Variants in AFF2 observed in about 807,000 individuals in gnomAD.
AFF2 encodes the protein ALF transcription elongation factor 2.
A neutral mutation model predicts 76.9 loss-of-function variants in AFF2; 14 were observed. That is an observed-to-expected ratio of 0.18 (90% CI 0.12 to 0.28). The LOEUF is 0.28. AFF2 is among the 10% of genes least tolerant of loss of function. The pLI, the probability that AFF2 is intolerant of heterozygous loss-of-function variation, is 1.00. For synonymous variants in AFF2, 398 were observed against 366.7 expected (o/e 1.09, Z -0.98); for missense variants, 868 against 1,001.1 (o/e 0.87, Z 1.79).
chrX:148,686,359 T>C (rs2054602118), intron 3 of AFF2, among the ~76,000 whole-genome samples: 1 of 111,741 alleles, frequency 8.9e-6, no homozygotes, highest in Admixed American at 9.5e-5. Context: ...CTCACATAAA[T>C]GTATGCAGCA....
chrX:148,840,461 G>C (rs2070585143), intron 5 of AFF2, among the ~76,000 whole-genome samples: 1 of 111,901 alleles, frequency 8.9e-6, no homozygotes, highest in Non-Finnish European at 1.9e-5. Context: ...AACATCTACT[G>C]TCTGGCCCTT....
intron 1 of AFF2, among the ~76,000 whole-genome samples, chrX:148,650,556 G>A (rs1166147853): frequency 1.8e-5 from 2 of 112,172 alleles, no homozygotes; most frequent in African/African-American, 6.5e-5. Flanking sequence ...AAAGTGTAAT[G>A]TGCATTTAAA....
intron 19 of AFF2, among the ~76,000 whole-genome samples, chrX:148,985,173 C>T (rs1182627331): frequency 9.4e-5 from 10 of 106,723 alleles, no homozygotes; most frequent in South Asian, 4.3e-4. Context: ...TTAGTAGAGA[C>T]GGGGTTTCAC....
At chrX:148,789,152 A>G (rs1345356232) in intron 3 of AFF2, among the ~76,000 whole-genome samples, 1 of 112,368 alleles carries the variant, frequency 8.9e-6, no homozygotes, top group Non-Finnish European at 1.9e-5. Context: ...TCCAAAGAAC[A>G]TGTTTCCTCC....
intron 1 of AFF2, among the ~76,000 whole-genome samples, chrX:148,647,872 G>T (rs1175875316): frequency 3.6e-5 from 4 of 111,282 alleles, no homozygotes; most frequent in African/African-American, 1.3e-4. Context: ...TGTTGTAAAA[G>T]ACTAGCCTGC....
chrX:148,763,507 T>A (rs2069476992), intron 3 of AFF2, among the ~76,000 whole-genome samples: 1 of 110,371 alleles, frequency 9.1e-6, no homozygotes, highest in Non-Finnish European at 1.9e-5. Context: ...TGATATGGCA[T>A]GGTGACTCTA....
intron 1 of AFF2, among the ~76,000 whole-genome samples, chrX:148,623,600 A>AATATATATATATATATAT (rs782158598): frequency 6.5e-4 from 66 of 101,469 alleles, no homozygotes; most frequent in South Asian, 2.2e-3. Flanking sequence ...CAAACATTTG[A>AATATATATATATATATAT]ATATATATAT....
intron 3 of AFF2, among the ~76,000 whole-genome samples, chrX:148,663,004 T>C (rs1557258048): frequency 8.9e-6 from 1 of 112,168 alleles, no homozygotes; most frequent in African/African-American, 3.2e-5. Flanking sequence ...TCGGTCTGAC[T>C]GAAAGAATGA....
At chrX:148,696,344 A>G (rs2054722010) in intron 3 of AFF2, among the ~76,000 whole-genome samples, 1 of 110,581 alleles carries the variant, frequency 9.0e-6, no homozygotes, top group African/African-American at 3.3e-5. Flanking sequence ...GATATACCTA[A>G]CGTAAATGAG....
At chrX:148,689,441 T>C (rs2054629624) in intron 3 of AFF2, among the ~76,000 whole-genome samples, 1 of 110,705 alleles carries the variant, frequency 9.0e-6, no homozygotes, top group Non-Finnish European at 1.9e-5. Flanking sequence ...GAGATATGAA[T>C]AGAAATGTTT....
chrX:148,904,931 T>C (rs1557281280), intron 9 of AFF2, among the ~76,000 whole-genome samples: 1 of 112,131 alleles, frequency 8.9e-6, no homozygotes, highest in Non-Finnish European at 1.9e-5. Context: ...AACATCTGAT[T>C]GCAGTGTTAC....
intron 6 of AFF2, 121 bp downstream of exon 6, chrX:148,843,123 T>G: frequency 1.7e-6 from 1 of 574,183 alleles, no homozygotes; most frequent in Non-Finnish European, 2.7e-6. Flanking sequence ...AAAAGTTATT[T>G]TAATTGTTAA....
chrX:148,750,765 A>C (rs2055488249), intron 3 of AFF2, among the ~76,000 whole-genome samples: 1 of 112,269 alleles, frequency 8.9e-6, no homozygotes. Flanking sequence ...GATTAAAAAA[A>C]TGAGATGGTG....
intron 1 of AFF2, among the ~76,000 whole-genome samples, chrX:148,560,397 G>A (rs1430695343): frequency 1.8e-5 from 2 of 111,978 alleles, no homozygotes; most frequent in Admixed American, 1.9e-4. Context: ...ATGGATTAAA[G>A]ACTTAAACGT....
chrX:148,958,490 G>A, intron 12 of AFF2, 32 bp downstream of exon 12: 5 of 1,191,997 alleles, frequency 4.2e-6, no homozygotes, highest in Non-Finnish European at 5.7e-6. Flanking sequence ...CTGATGGCTT[G>A]GTATGATTGT....
intron 8 of AFF2, among the ~76,000 whole-genome samples, chrX:148,901,062 T>C (rs782748261): frequency 3.6e-5 from 4 of 112,261 alleles, no homozygotes; most frequent in Admixed American, 2.8e-4. Context: ...GTTGTCAATG[T>C]TGGCTACTCA....
intron 15 of AFF2, among the ~76,000 whole-genome samples, chrX:148,971,078 A>G (rs1435001678): frequency 1.8e-5 from 2 of 110,173 alleles, no homozygotes; most frequent in Non-Finnish European, 3.8e-5. Flanking sequence ...TCTCTTCTCA[A>G]CTAGCCTTGG....
At chrX:148,893,029 T>C (rs192053596) in intron 8 of AFF2, among the ~76,000 whole-genome samples, 1 of 112,055 alleles carries the variant, frequency 8.9e-6, no homozygotes, top group African/African-American at 3.2e-5. Context: ...AGTTTATCTG[T>C]CATTGCCTTT....
At chrX:148,520,867 G>A (rs1410633839) in intron 1 of AFF2, among the ~76,000 whole-genome samples, 2 of 112,086 alleles carry the variant, frequency 1.8e-5, no homozygotes, top group Non-Finnish European at 3.8e-5. Flanking sequence ...TGTGGCTGGT[G>A]GCTCTAGCCT....
Sources: allele counts gnomAD v4.1 joint callset (sites outside exome capture counted in the v4.1 genomes callset), GRCh38; gene constraint gnomAD v4.1.1; transcripts MANE v1.5; gene names NCBI Gene and HGNC (gene_info 2026-07-23, HGNC 2026-07-21).